Variants in ZFHX3 observed in about 807,000 individuals in gnomAD.
ZFHX3 encodes zinc finger homeobox 3.
A neutral mutation model predicts 279.1 loss-of-function variants in ZFHX3; 42 were observed. That is an observed-to-expected ratio of 0.15 (90% CI 0.12 to 0.19). The LOEUF is 0.19. Among genes scored for constraint, ZFHX3 ranks in the 10% least tolerant of loss-of-function variants. The pLI, the probability that ZFHX3 is intolerant of heterozygous loss-of-function variation, is 1.00. For synonymous variants in ZFHX3, 2,293 were observed against 1,957.8 expected (o/e 1.17, Z -4.52); for missense variants, 4,981 against 4,754.0 (o/e 1.05, Z -1.40).
chr16:73,674,113 T>G lies in ZFHX3; in HGVS notation c.-1547+6067A>C, dbSNP rs899882. ...CTCGAAGGAAGGGGCCAAATCTTGT[T>G]TGCTATTGTGTTTCTAGTATGAAAG... On this transcript the variant is annotated intron_variant, in intron 2 of 17. Transcript: ENST00000641206. Among the ~76,000 whole-genome samples, 987 of 152,354 alleles carry G rather than the reference T, an allele frequency of 6.5e-3. 11 individuals carry two copies. Among genetic ancestry groups the G allele is most frequent in the African/African-American group, 0.023 (940 of 41,584 alleles).
At position 72,829,873 on chromosome 16, in the gene ZFHX3, A is replaced by G; in HGVS notation, c.3449-14T>C. The G allele has an allele frequency of 6.2e-7, 1 of 1,614,122 alleles. No individual in the cohort carries two copies. Among genetic ancestry groups the G allele is most frequent in the East Asian group, 2.2e-5 (1 of 44,878 alleles). On this transcript the variant is annotated splice_polypyrimidine_tract_variant and intron_variant, in intron 4 of 9. Coordinates refer to ENST00000268489, the MANE Select transcript of ZFHX3 (RefSeq NM_006885.4). The stretch of plus-strand genomic sequence containing the variant: ...CAATGGCTTCTTCTGAAACAGAAGA[A>G]AAACATGTCAAGGGTTAAAAATAAA...
intron 1 of ZFHX3, among the ~76,000 whole-genome samples, chr16:73,695,945 G>T (rs894505083): frequency 1.3e-5 from 2 of 152,218 alleles, no homozygotes; most frequent in African/African-American, 4.8e-5. Flanking sequence ...GGGGGTAAGG[G>T]AGGTGGAAAC....
chr16:73,372,291 T>G (rs1278139565), intron 3 of ZFHX3, among the ~76,000 whole-genome samples: 1 of 150,996 alleles, frequency 6.6e-6, no homozygotes, highest in Non-Finnish European at 1.5e-5. Flanking sequence ...TTAAACAAGG[T>G]TTTTTTTTAA....
Position 72,793,727 on chromosome 16 carries a change from C to T in ZFHX3, c.8955G>A (p.Leu2985=), listed in dbSNP as rs2143386047. 4 of 1,614,158 alleles carry T rather than the reference C, an allele frequency of 2.5e-6. No individual in the cohort carries two copies. The highest frequency in any genetic ancestry group is 2.5e-6 in the Non-Finnish European group (3 of 1,180,026). The part of the protein sequence containing the change: ...ECEVLGNDIG[L]PKRVVQVWFQ... Reference sequence around the variant, plus strand: ...ACCAGACCTGAACGACTCTCTTTGGCAGTCCAATGTCATTGCCCAGGACCT... The same window carrying T: ...ACCAGACCTGAACGACTCTCTTTGGTAGTCCAATGTCATTGCCCAGGACCT... Residue 2985 remains leucine (L), a synonymous_variant, in exon 9 of 10, where the codon CTG becomes CTA. Transcript: ENST00000268489. This position sits in a 1 kb window ranked among gnomAD's most constrained non-coding sequence, Gnocchi z 4.3.
chr16:73,757,112 C>T (rs557735958), intron 1 of ZFHX3, among the ~76,000 whole-genome samples: 67 of 152,058 alleles, frequency 4.4e-4, no homozygotes, highest in Non-Finnish European at 5.4e-4. Context: ...GAATCTGAAA[C>T]GGTGAGGGGC....
intron 3 of ZFHX3, among the ~76,000 whole-genome samples, chr16:73,380,116 T>A (rs192248872): frequency 1.3e-5 from 2 of 152,036 alleles, no homozygotes; most frequent in East Asian, 3.9e-4. Context: ...AATTTAAGGT[T>A]GAAGGTATAA....
At chr16:73,471,990 A>G (rs1470747599) in intron 2 of ZFHX3, among the ~76,000 whole-genome samples, 1 of 152,054 alleles carries the variant, frequency 6.6e-6, no homozygotes, top group African/African-American at 2.4e-5. Context: ...CAGTGCCCTG[A>G]GCACCTCAGA....
intron 7 of ZFHX3, among the ~76,000 whole-genome samples, chr16:72,802,573 G>T (rs755308033): frequency 2.6e-5 from 4 of 152,154 alleles, no homozygotes; most frequent in African/African-American, 4.8e-5. Flanking sequence ...GGGGGGGTTG[G>T]TATATGAAAT....
chr16:73,609,235 T>A (rs1409603639), intron 2 of ZFHX3: 1 of 152,160 alleles, frequency 6.6e-6, no homozygotes, highest in Admixed American at 6.5e-5. Flanking sequence ...TCATCATCGC[T>A]CCATCATTTG....
intron 1 of ZFHX3, among the ~76,000 whole-genome samples, chr16:73,842,190 T>A (rs1392745351): frequency 1.3e-5 from 2 of 151,554 alleles, no homozygotes; most frequent in Non-Finnish European, 2.9e-5. Context: ...CACTCCAGCC[T>A]GGGCAACAAG....
chr16:73,565,950 G>T (rs756493388), intron 2 of ZFHX3, among the ~76,000 whole-genome samples: 2 of 152,198 alleles, frequency 1.3e-5, no homozygotes, highest in African/African-American at 4.8e-5. Context: ...AATTTGGGCC[G>T]GGATGGGGGG....
At chr16:73,019,274 C>G (rs1047956843) in intron 1 of ZFHX3, among the ~76,000 whole-genome samples, 6 of 152,182 alleles carry the variant, frequency 3.9e-5, no homozygotes, top group Admixed American at 6.5e-5. Flanking sequence ...AGGTGGCTCT[C>G]AGGACATGAC....
intron 3 of ZFHX3, among the ~76,000 whole-genome samples, chr16:73,407,334 T>C (rs963090298): frequency 3.3e-5 from 5 of 152,176 alleles, no homozygotes; most frequent in South Asian, 2.1e-4. Context: ...ACCGATTGCA[T>C]TGGAAAATGA....
At chr16:73,262,423 T>G (rs1042699699) in intron 4 of ZFHX3, among the ~76,000 whole-genome samples, 1 of 152,218 alleles carries the variant, frequency 6.6e-6, no homozygotes, top group Admixed American at 6.5e-5. Flanking sequence ...CTTACACTGA[T>G]AGTCCAACTC....
At position 72,795,772 on chromosome 16, in the gene ZFHX3, G is replaced by C; in HGVS notation, c.6910C>G (p.Gln2304Glu). ...CGCTCTCCATCTTTGCCCTCTCCCT[G>C]ATTCTCATAATTCTTCCTGGCCTTC... ...RQKARKNYEN[Q>E]GEGKDGERRE... Residue 2304 changes from glutamine to glutamate, a missense_variant, in exon 9 of 10, where the codon CAG (glutamine) becomes GAG (glutamate). By Grantham distance (29) the Gln-to-Glu change is conservative. Coordinates refer to ENST00000268489, the MANE Select transcript of ZFHX3 (RefSeq NM_006885.4). 6.2e-7 allele frequency: 1 copy of C among 1,614,168 alleles called. No individual in the cohort carries two copies. Among genetic ancestry groups the C allele is most frequent in the Non-Finnish European group, 8.5e-7 (1 of 1,180,034 alleles).
chr16:73,702,712 A>G (rs2053261505), intron 1 of ZFHX3, among the ~76,000 whole-genome samples: 1 of 152,166 alleles, frequency 6.6e-6, no homozygotes, highest in South Asian at 2.1e-4. Context: ...ATAGATGATT[A>G]TAAGGTAGGA....
chr16:73,368,487 T>C (rs1442898802), intron 3 of ZFHX3, among the ~76,000 whole-genome samples: 1 of 152,206 alleles, frequency 6.6e-6, no homozygotes, highest in Non-Finnish European at 1.5e-5. Flanking sequence ...AGGGTCAACA[T>C]ATCCCCAGAC....
intron 3 of ZFHX3, among the ~76,000 whole-genome samples, chr16:73,385,623 GAC>G (rs2016887421): frequency 6.6e-6 from 1 of 152,216 alleles, no homozygotes; most frequent in African/African-American, 2.4e-5. Flanking sequence ...GTTAAAGAAA[GAC>G]ACACACAGAG....
chr16:72,979,784 T>C (rs1029847567), intron 1 of ZFHX3, among the ~76,000 whole-genome samples: 1 of 151,962 alleles, frequency 6.6e-6, no homozygotes, highest in Non-Finnish European at 1.5e-5. Flanking sequence ...CTGGAGGAAA[T>C]TTTGAACCAA....
Sources: allele counts gnomAD v4.1 joint callset (sites outside exome capture counted in the v4.1 genomes callset), GRCh38; gene constraint gnomAD v4.1.1; non-coding constraint Gnocchi (gnomAD v3.1); transcripts MANE v1.5; gene names NCBI Gene and HGNC (gene_info 2026-07-23, HGNC 2026-07-21).